The following CAMK1G variants were observed in gnomAD, a reference collection of about 807,000 sequenced individuals.
CAMK1G encodes the protein calcium/calmodulin-dependent protein kinase type 1G.
Under a neutral mutation model 54.8 loss-of-function variants are expected in CAMK1G, and 27 were observed. The observed-to-expected ratio is 0.49, with a 90% confidence interval of 0.36 to 0.68. The LOEUF (loss-of-function observed/expected upper bound fraction) is 0.68. Among genes scored for constraint, CAMK1G ranks in the 30% least tolerant of loss-of-function variants. The pLI is 0.00. For synonymous variants in CAMK1G, 238 were observed against 224.9 expected, an observed-to-expected ratio of 1.06 and a Z score of -0.52; for missense variants, 512 against 591.0, an observed-to-expected ratio of 0.87 and a Z score of 1.39.
intron 2 of CAMK1G, among the ~76,000 whole-genome samples, chr1:209,599,582 G>A (rs1419425205): frequency 3.3e-5 from 5 of 152,148 alleles, no homozygotes; most frequent in Admixed American, 6.5e-5. Context: ...ATTCCCTTAC[G>A]TGACCATAGG....
At position 209,586,456 on chromosome 1, in the gene CAMK1G, T is replaced by C. The variant is rs977204658; in HGVS notation, c.-30+2684T>C. On this transcript the variant is annotated intron_variant, in intron 1 of 12. Transcript: ENST00000361322. ...AAAAATCATATATCTTTAAACACTT[T>C]AGAAACACAGTGAGATGAGATGCTC... Among the ~76,000 whole-genome samples the C allele has an allele frequency of 4.6e-5, 7 of 152,218 alleles. No individual in the cohort carries two copies. In the East Asian group the frequency reaches 1.2e-3, roughly 25 times the overall value.
chr1:209,584,741 G>A (rs75024464), intron 1 of CAMK1G, among the ~76,000 whole-genome samples: 2,564 of 152,238 alleles, frequency 0.017, 38 homozygotes, highest in Middle Eastern at 0.027. Flanking sequence ...AGAGAGTCAA[G>A]CAGATTCCGC....
rs1665317344 is a variant in CAMK1G, at chr1:209,593,884, A to C, written c.-29-1071A>C. 2.6e-5 allele frequency among the ~76,000 whole-genome samples: 4 copies of C among 152,154 alleles called. No homozygotes were observed. In the South Asian group the frequency reaches 8.3e-4, roughly 31 times the overall value. ...GAAGAAAATCCAATGTCTTAAACAG[A>C]GTCTACAAAGCCCTTTATTGTCCGC... On this transcript the variant is annotated intron_variant, in intron 1 of 12. Transcript: ENST00000361322.
At chr1:209,588,354 ATGGATTGGAT>A (rs56898431) in intron 1 of CAMK1G, among the ~76,000 whole-genome samples, 23,707 of 147,072 alleles carry the variant, frequency 0.16, 2,162 homozygotes, top group South Asian at 0.25. Context: ...GTGGAGCGGA[ATGGATTGGAT>A]TGGATTGGAT....
chr1:209,597,019 G>T (rs1288406032), intron 2 of CAMK1G, among the ~76,000 whole-genome samples: 1 of 152,118 alleles, frequency 6.6e-6, no homozygotes, highest in African/African-American at 2.4e-5. Flanking sequence ...AAGACAGGAG[G>T]CATGTCACAG....
intron 2 of CAMK1G, 117 bp from the exon 3 acceptor site, chr1:209,599,866 T>G (rs550708590): frequency 1.6e-6 from 2 of 1,216,868 alleles, no homozygotes; most frequent in Non-Finnish European, 1.1e-6. Context: ...ATTCAGTATA[T>G]GCCTTTGTGG....
At chr1:209,610,128 T>C (rs1342511866) in intron 9 of CAMK1G, among the ~76,000 whole-genome samples, 199 bp downstream of exon 9, 1 of 152,110 alleles carries the variant, frequency 6.6e-6, no homozygotes, top group Non-Finnish European at 1.5e-5. Flanking sequence ...AATGCAAGGG[T>C]AGCAGCTGGG....
chr1:209,595,910 G>A (rs1015426989), intron 2 of CAMK1G, among the ~76,000 whole-genome samples: 6 of 152,232 alleles, frequency 3.9e-5, no homozygotes, highest in African/African-American at 1.4e-4. Flanking sequence ...TCCCCTGGGA[G>A]GCTGCAGACT....
At position 209,590,019 on chromosome 1, in the gene CAMK1G, G is replaced by A. The variant is rs147170135; in HGVS notation, c.-29-4936G>A. ...CATCCTCCAAGTCTCCTGAGCTATC[G>A]ATGTGAAAAATCAGCCCTAAATCTC... On this transcript the variant is annotated intron_variant, in intron 1 of 12. Coordinates refer to ENST00000361322, the MANE Select transcript of CAMK1G (RefSeq NM_020439.3). Among the ~76,000 whole-genome samples, 68 of 152,318 alleles carry A rather than the reference G, an allele frequency of 4.5e-4. 1 individual carries two copies. The East Asian group carries it at 0.013, about 28-fold the overall frequency.
At chr1:209,599,452 G>C (rs1665472987) in intron 2 of CAMK1G, among the ~76,000 whole-genome samples, 1 of 152,214 alleles carries the variant, frequency 6.6e-6, no homozygotes, top group Non-Finnish European at 1.5e-5. Context: ...GTTCTCTGTA[G>C]ATCTGTAGAG....
chr1:209,599,528 C>A (rs929390197), intron 2 of CAMK1G, among the ~76,000 whole-genome samples: 1 of 152,266 alleles, frequency 6.6e-6, no homozygotes, highest in Non-Finnish European at 1.5e-5. Flanking sequence ...CATCATGAAC[C>A]TTTACCTATC....
At chr1:209,599,961 T>A (rs753403216) in intron 2 of CAMK1G, 22 bp from the exon 3 acceptor site, 1 of 1,611,498 alleles carries the variant, frequency 6.2e-7, no homozygotes, top group Non-Finnish European at 8.5e-7. Context: ...CTAAGTTTTA[T>A]CTTTTGGTGT....
chr1:209,585,925 A>T (rs748769541), intron 1 of CAMK1G, among the ~76,000 whole-genome samples: 2 of 152,228 alleles, frequency 1.3e-5, no homozygotes, highest in Non-Finnish European at 2.9e-5. Flanking sequence ...CGCCACGGTC[A>T]ATGGCGAGGG....
At chr1:209,601,447 A>G (rs143190414) in intron 3 of CAMK1G, among the ~76,000 whole-genome samples, 2 of 152,306 alleles carry the variant, frequency 1.3e-5, no homozygotes, top group African/African-American at 2.4e-5. Flanking sequence ...ATGAAATAGA[A>G]AGAAATTGGT....
At chr1:209,596,470 C>T (rs1450293435) in intron 2 of CAMK1G, among the ~76,000 whole-genome samples, 2 of 152,136 alleles carry the variant, frequency 1.3e-5, no homozygotes, top group Non-Finnish European at 2.9e-5. Flanking sequence ...TGAAGTCTAC[C>T]ACACAGCACC....
chr1:209,588,310 C>G (rs552907643), intron 1 of CAMK1G, among the ~76,000 whole-genome samples: 1 of 152,108 alleles, frequency 6.6e-6, no homozygotes, highest in Non-Finnish European at 1.5e-5. Context: ...ACACTGTACA[C>G]ACATTGTAAT....
rs1665797373 is a variant in CAMK1G, at chr1:209,612,120, C to T, written c.1244C>T (p.Pro415Leu). The T allele has an allele frequency of 6.2e-7, 1 of 1,614,138 alleles. No individual in the cohort carries two copies. Residue 415 changes from proline (P) to leucine (L), a missense_variant, in exon 11 of 13, where the codon CCC becomes CTC. Around this residue, in one of 3 missense-constraint regions of CAMK1G, gnomAD observed 315 missense variants for 330.5 expected, o/e 0.95. Coordinates refer to ENST00000361322, the MANE Select transcript of CAMK1G (RefSeq NM_020439.3). Reference sequence around the variant, plus strand: ...CATCAGGGGTCCCTGGCCGCCGGGCCCTGTGGCTGCTGCTCCAGCTGCCTG... The same window carrying T: ...CATCAGGGGTCCCTGGCCGCCGGGCTCTGTGGCTGCTGCTCCAGCTGCCTG... The part of the protein sequence containing the change: ...PMHQGSLAAG[P>L]CGCCSSCLNI...
Position 209,612,099 on chromosome 1 carries a change from AG to A in CAMK1G, c.1227del (p.Ser410ProfsTer14), listed in dbSNP as rs1250411713. On this transcript the variant is annotated frameshift_variant, in exon 11 of 13. Transcript: ENST00000361322. LOFTEE classifies it high-confidence loss of function. ...AGCAGCAGCCTGGTGCCCATGCATC[AG>A]GGGTCCCTGGCCGCCGGGCCCTGTG... ...HISSSLVPMH[Q>X]GSLAAGPCGC... is the part of the protein sequence containing the mutation. 1 of 1,614,168 alleles carries A rather than the reference AG, an allele frequency of 6.2e-7. No individual in the cohort carries two copies. Among genetic ancestry groups the A allele is most frequent in the Non-Finnish European group, 8.5e-7 (1 of 1,179,984 alleles).
At chr1:209,612,688 G>T (rs2102398291) in intron 11 of CAMK1G, 97 bp from the exon 12 acceptor site, 3 of 955,048 alleles carry the variant, frequency 3.1e-6, no homozygotes, top group Middle Eastern at 2.1e-4. Context: ...AGAGCTGAGT[G>T]GATGCCACAG....
Sources: gnomAD v4.1 joint callset for allele counts (sites outside exome capture counted in the v4.1 genomes callset) on GRCh38, gnomAD v4.1.1 for gene constraint, gnomAD v4.1.1 regional missense constraint, MANE v1.5 for transcripts, NCBI Gene and HGNC (gene_info 2026-07-23, HGNC 2026-07-21) for gene names.